The following ITSN2 variants were observed in gnomAD, a reference collection of about 807,000 sequenced individuals.
ITSN2 encodes intersectin 2.
In ITSN2, 156 loss-of-function variants were observed where a neutral mutation model predicts 243.7. The observed-to-expected ratio is 0.64, with a 90% CI of 0.56 to 0.73. The LOEUF (loss-of-function observed/expected upper bound fraction) is 0.73. Among genes scored for constraint, ITSN2 ranks in the 30% least tolerant of loss-of-function variants. ITSN2 has a pLI of 0.00. For synonymous variants in ITSN2, 703 were observed against 699.9 expected (o/e 1.00, Z -0.07); for missense variants, 1,801 against 1,996.1 (o/e 0.90, Z 1.86).
At chr2:24,269,144 C>CA (rs1479148068) in intron 20 of ITSN2, among the ~76,000 whole-genome samples, 6 of 151,656 alleles carry the variant, frequency 4.0e-5, no homozygotes, top group African/African-American at 1.5e-4. Context: ...TTCTCAGGAA[C>CA]TGCATCCTCA....
At chr2:24,252,795 T>C (rs1427333902) in intron 24 of ITSN2, among the ~76,000 whole-genome samples, 1 of 152,216 alleles carries the variant, frequency 6.6e-6, no homozygotes, top group Non-Finnish European at 1.5e-5. Context: ...TACAAACAGA[T>C]AATAGTATCT....
chr2:24,274,090 G>C (rs1677714870), intron 18 of ITSN2, among the ~76,000 whole-genome samples: 1 of 152,170 alleles, frequency 6.6e-6, no homozygotes, highest in Non-Finnish European at 1.5e-5. Flanking sequence ...GAAAGATTAA[G>C]GTAACTGCAT....
At chr2:24,278,118 G>C (rs1035699708) in intron 17 of ITSN2, among the ~76,000 whole-genome samples, 1 of 152,176 alleles carries the variant, frequency 6.6e-6, no homozygotes, top group African/African-American at 2.4e-5. Context: ...AGTCTAAAAG[G>C]AGAGTAAAAA....
chr2:24,349,907 T>A (rs776438826), intron 1 of ITSN2, among the ~76,000 whole-genome samples: 1 of 152,216 alleles, frequency 6.6e-6, no homozygotes, highest in African/African-American at 2.4e-5. Context: ...CACAGCCAAT[T>A]TGAGACAACA....
At chr2:24,254,507 G>A (rs762200451) in intron 23 of ITSN2, 76 bp from the exon 24 acceptor site, 28 of 1,175,312 alleles carry the variant, frequency 2.4e-5, no homozygotes, top group Non-Finnish European at 3.3e-5. Context: ...TTGATGCACA[G>A]CAGGTTTTAG....
intron 17 of ITSN2, among the ~76,000 whole-genome samples, chr2:24,276,139 T>TA (rs1677989220): frequency 6.6e-6 from 1 of 152,166 alleles, no homozygotes. Flanking sequence ...CATTTTCAAT[T>TA]AAAAAAAGCA....
chr2:24,304,447 A>G (rs547608421), intron 8 of ITSN2, among the ~76,000 whole-genome samples: 1 of 152,380 alleles, frequency 6.6e-6, no homozygotes, highest in African/African-American at 2.4e-5. Flanking sequence ...TACAACATGC[A>G]GCTAAATGTT....
intron 22 of ITSN2, 62 bp from the exon 23 acceptor site, chr2:24,258,155 G>T: frequency 8.1e-7 from 1 of 1,230,346 alleles, no homozygotes; most frequent in Non-Finnish European, 1.2e-6. Flanking sequence ...TTCTGTTTCT[G>T]TGTATATAAC....
At chr2:24,240,481 A>C (rs1466607036) in intron 29 of ITSN2, 1 of 152,194 alleles carries the variant, frequency 6.6e-6, no homozygotes, top group East Asian at 1.9e-4. Context: ...ACACATACTT[A>C]TCTCCCTACA....
intron 29 of ITSN2, among the ~76,000 whole-genome samples, chr2:24,234,440 T>C (rs374812493): frequency 6.6e-6 from 1 of 152,142 alleles, no homozygotes; most frequent in Non-Finnish European, 1.5e-5. Flanking sequence ...TTGGGTTTAG[T>C]GATGACTCTT....
Position 24,286,259 on chromosome 2 carries a change from T to C in ITSN2, c.1816A>G (p.Thr606Ala). 6.2e-7 allele frequency: 1 copy of C among 1,605,842 alleles called. No homozygotes were observed. Among genetic ancestry groups the C allele is most frequent in the Non-Finnish European group, 8.5e-7 (1 of 1,173,470 alleles). Residue 606 changes from threonine to alanine, a missense_variant, in exon 16 of 40, where the codon ACT becomes GCT. Physicochemically the swap from Thr to Ala is moderately conservative, Grantham distance 58. Coordinates refer to ENST00000355123, the MANE Select transcript of ITSN2 (RefSeq NM_006277.3). ...TCCATTTCTGACAGCTTAGATGCAG[T>C]TTCTTTTTCAAGAGCATCTAACTGT... ...KEQLDALEKETASKLSEMDSF... is the reference protein window; with the variant it reads ...KEQLDALEKEAASKLSEMDSF...
chr2:24,313,556 C>T (rs773706829), intron 3 of ITSN2, 33 bp from the exon 4 acceptor site: 1 of 1,518,814 alleles, frequency 6.6e-7, no homozygotes, highest in Non-Finnish European at 9.1e-7. Flanking sequence ...CCAAGCAGCA[C>T]ATTAGTAAAT....
At chr2:24,263,175 G>C (rs1257131393) in intron 20 of ITSN2, among the ~76,000 whole-genome samples, 1 of 152,044 alleles carries the variant, frequency 6.6e-6, no homozygotes, top group Non-Finnish European at 1.5e-5. Flanking sequence ...ACTTACTACA[G>C]ATAAATTATT....
In ITSN2 at chr2:24,255,184, C is replaced by T. The variant is rs183268955; in HGVS notation, c.2889-753G>A. 1.2e-3 allele frequency among the ~76,000 whole-genome samples: 189 copies of T among 152,316 alleles called. 3 individuals carry two copies. The highest frequency in any genetic ancestry group is 3.4e-4 in the Non-Finnish European group (23 of 68,034). The stretch of plus-strand genomic sequence containing the variant: ...ATGCCCTCTAAAACACTGAAACAAT[C>T]TGTTTTTGCTTAAGTTTTCTTCTCT... On this transcript the variant is annotated intron_variant, in intron 23 of 39. Transcript: ENST00000355123.
chr2:24,314,822 T>C (rs1683711306), intron 3 of ITSN2, among the ~76,000 whole-genome samples: 1 of 152,158 alleles, frequency 6.6e-6, no homozygotes, highest in Non-Finnish European at 1.5e-5. Flanking sequence ...AGATTTTCCA[T>C]GAAATGAATC....
chr2:24,350,029 A>G (rs1281819766), intron 1 of ITSN2, among the ~76,000 whole-genome samples: 1 of 152,222 alleles, frequency 6.6e-6, no homozygotes, highest in Non-Finnish European at 1.5e-5. Context: ...ACTAAACTAG[A>G]GCCCTCGGTA....
In ITSN2 at chr2:24,308,608, G is replaced by A. The variant is rs371362927; in HGVS notation, c.793+9C>T. ...TTTTTCATGCTCTTCAGCACTGTAT[G>A]CTGCTTACCTGAGAGATATCCACTC... is the stretch of plus-strand genomic sequence containing the variant. On this transcript the variant is annotated intron_variant, in intron 8 of 39. Transcript: ENST00000355123. The A allele has an allele frequency of 2.0e-5, 30 of 1,471,970 alleles. No individual in the cohort carries two copies. The highest frequency in any genetic ancestry group is 2.7e-5 in the Non-Finnish European group (30 of 1,106,194). 91.2% of individuals were successfully genotyped at this position (1,471,970 alleles called of 1,614,324 possible).
At chr2:24,239,248 C>T (rs1412389582) in intron 29 of ITSN2, 3 of 152,384 alleles carry the variant, frequency 2.0e-5, no homozygotes, top group Non-Finnish European at 4.4e-5. Flanking sequence ...TCTAAGAAAA[C>T]CTGGCAAATA....
At chr2:24,337,335 T>TATATATATATATATATAC (rs1686537035) in intron 1 of ITSN2, among the ~76,000 whole-genome samples, 4 of 108,966 alleles carry the variant, frequency 3.7e-5, no homozygotes, top group South Asian at 2.7e-4. Context: ...TATATATATA[T>TATATATATATATATATAC]ATATATATAT....
Sources: gnomAD v4.1 joint callset for allele counts (sites outside exome capture counted in the v4.1 genomes callset) on GRCh38, gnomAD v4.1.1 for gene constraint, MANE v1.5 for transcripts, NCBI Gene and HGNC (gene_info 2026-07-23, HGNC 2026-07-21) for gene names.